The following SETD5 variants were observed in gnomAD, a reference collection of about 807,000 sequenced individuals.
SETD5 encodes the protein SET domain containing 5, also known as histone-lysine N-methyltransferase SETD5.
A neutral mutation model predicts 153.3 loss-of-function variants in SETD5; 44 were observed. The ratio of observed to expected loss-of-function variants is 0.29; its 90% confidence interval spans 0.23 to 0.37. The LOEUF is 0.37. Among genes scored for constraint, SETD5 ranks in the 10% least tolerant of loss-of-function variants. The pLI, the probability that SETD5 is intolerant of heterozygous loss-of-function variation, is 1.00. For synonymous variants in SETD5, 716 were observed against 645.2 expected (o/e 1.11, Z -1.66); for missense variants, 1,544 against 1,768.0 (o/e 0.87, Z 2.27).
At chr3:9,472,800 G>C (rs1453682414) in intron 19 of SETD5, among the ~76,000 whole-genome samples, 1 of 151,884 alleles carries the variant, frequency 6.6e-6, no homozygotes, top group Non-Finnish European at 1.5e-5. Context: ...GGTTCCCAAG[G>C]AGTACAGAAC....
At position 9,470,845 on chromosome 3, in the gene SETD5, C is replaced by G. The variant is rs754098679; in HGVS notation, c.3111C>G (p.Leu1037=). 1.2e-6 allele frequency: 2 copies of G among 1,612,348 alleles called. No homozygotes were observed. The highest frequency in any genetic ancestry group is 2.2e-5 in the East Asian group (1 of 44,842). Residue 1037 remains leucine, a synonymous_variant, in exon 19 of 23, where the codon CTC becomes CTG. Transcript: ENST00000402198. ...ATGAACATGGCTTAATGAAAGACCT[C>G]TCTCGTGGATCCTTGTCACCTGGTG... ...SRYEHGLMKD[L]SRGSLSPGGE...
Position 9,475,120 on chromosome 3 carries a change from A to G in SETD5, c.3684A>G (p.Gly1228=). ...CATTAAGCTCAGCACTCTCTAAAGGAGCAACAGTTTACAGCCCTTCCAGAT... is the reference window on the plus strand; with the variant it reads ...CATTAAGCTCAGCACTCTCTAAAGGGGCAACAGTTTACAGCCCTTCCAGAT... ...PETLSSALSK[G]ATVYSPSRYS... Residue 1228 remains glycine (G), a synonymous_variant, in exon 22 of 23, where the codon GGA becomes GGG. Transcript: ENST00000402198. The G allele has an allele frequency of 2.5e-6, 4 of 1,592,728 alleles. No homozygotes were observed. Among genetic ancestry groups the G allele is most frequent in the Non-Finnish European group, 3.4e-6 (4 of 1,169,666 alleles).
At chr3:9,399,310 A>C (rs2034339319) in intron 1 of SETD5, among the ~76,000 whole-genome samples, 2 of 152,128 alleles carry the variant, frequency 1.3e-5, no homozygotes, top group Admixed American at 1.3e-4. Context: ...TTATATTATT[A>C]ATGTTTTTAG....
rs371116757 is a variant in SETD5 at position 9,448,532 on chromosome 3, A to C, written c.2248A>C (p.Thr750Pro). 1.2e-6 allele frequency: 2 copies of C among 1,613,742 alleles called. No homozygotes were observed. Among genetic ancestry groups the C allele is most frequent in the Non-Finnish European group, 1.7e-6 (2 of 1,179,866 alleles). Residue 750 changes from threonine to proline, a missense_variant, in exon 16 of 23, where the codon ACC becomes CCC. Coordinates refer to ENST00000402198, the MANE Select transcript of SETD5 (RefSeq NM_001080517.3). ...TCTTATCCATTCCCCGTTAATTTGCACCACCCCCAAACACTACATTCGCTT... is the reference window on the plus strand; with the variant it reads ...TCTTATCCATTCCCCGTTAATTTGCCCCACCCCCAAACACTACATTCGCTT... ...PGLIHSPLIC[T>P]TPKHYIRFGS...
intron 1 of SETD5, among the ~76,000 whole-genome samples, chr3:9,411,761 C>T (rs62246302): frequency 6.6e-6 from 1 of 152,068 alleles, no homozygotes; most frequent in East Asian, 1.9e-4. Flanking sequence ...TCTCTAAACT[C>T]TGTCTGAACT....
chr3:9,468,849 G>T (rs930365178), intron 18 of SETD5, among the ~76,000 whole-genome samples: 1 of 151,918 alleles, frequency 6.6e-6, no homozygotes, highest in Non-Finnish European at 1.5e-5. Flanking sequence ...TTGCCGTTTG[G>T]GGGAGGGGGT....
chr3:9,445,972 T>TG (rs1210741580), intron 13 of SETD5, among the ~76,000 whole-genome samples: 1 of 146,210 alleles, frequency 6.8e-6, no homozygotes, highest in Non-Finnish European at 1.5e-5. Context: ...GTTGTTTTTT[T>TG]TTTTTTTTTT....
rs972736980 is a variant in SETD5 at position 9,477,227 on chromosome 3, A to G, written c.*1136A>G. On this transcript the variant is annotated 3_prime_UTR_variant, in exon 23 of 23. Coordinates refer to ENST00000402198, the MANE Select transcript of SETD5 (RefSeq NM_001080517.3). ...CCCCTAACACTGTTCTGGATGAGAGATGAGAGCAGACCGGCTTCTCCCCAT... is the reference window on the plus strand; with the variant it reads ...CCCCTAACACTGTTCTGGATGAGAGGTGAGAGCAGACCGGCTTCTCCCCAT... 2 of 152,638 alleles carry G rather than the reference A, an allele frequency of 1.3e-5. No homozygotes were observed. Among genetic ancestry groups the G allele is most frequent in the African/African-American group, 4.8e-5 (2 of 41,438 alleles). 9.5% of individuals were successfully genotyped at this position (152,638 alleles called of 1,614,324 possible).
chr3:9,459,540 G>A (rs1181713585), intron 17 of SETD5, among the ~76,000 whole-genome samples: 3 of 151,652 alleles, frequency 2.0e-5, no homozygotes, highest in African/African-American at 7.3e-5. Flanking sequence ...GGAGGCCGAG[G>A]CAGGCGGATC....
intron 1 of SETD5, among the ~76,000 whole-genome samples, chr3:9,421,058 A>AT (rs75431777): frequency 0.012 from 1,748 of 143,466 alleles, 32 homozygotes; most frequent in African/African-American, 0.032. Context: ...CACAACAGGT[A>AT]TTTTTTTTTT....
chr3:9,465,743 G>A (rs1007238585), intron 18 of SETD5, among the ~76,000 whole-genome samples: 1 of 152,056 alleles, frequency 6.6e-6, no homozygotes, highest in South Asian at 2.1e-4. Context: ...AAAACCTCCT[G>A]GTTACATATC....
intron 1 of SETD5, among the ~76,000 whole-genome samples, chr3:9,417,949 T>TG (rs2037772816): frequency 6.7e-6 from 1 of 150,168 alleles, no homozygotes; most frequent in African/African-American, 2.4e-5. Context: ...TTTGTTTTTT[T>TG]TTTTTTTTTG....
rs2033890694 is a variant in SETD5, at chr3:9,397,672, CGCCGCCGCCGCCGCT to C, written c.-477_-463del. 5.5e-6 allele frequency: 1 copy of C among 180,364 alleles called. No individual in the cohort carries two copies. Among genetic ancestry groups the C allele is most frequent in the Non-Finnish European group, 1.1e-5 (1 of 91,360 alleles). 11.2% of individuals were successfully genotyped at this position (180,364 alleles called of 1,614,324 possible). The stretch of plus-strand genomic sequence containing the variant: ...GAGCTGCCGCCGCCGCCGCCGCCGC[CGCCGCCGCCGCCGCT>C]GCCGGGGGAGGGGCGGCCGCCGCCC... On this transcript the variant is annotated 5_prime_UTR_variant, in exon 1 of 23. Coordinates refer to ENST00000402198, the MANE Select transcript of SETD5 (RefSeq NM_001080517.3).
At chr3:9,454,312 A>G (rs937162538) in intron 17 of SETD5, among the ~76,000 whole-genome samples, 3 of 152,164 alleles carry the variant, frequency 2.0e-5, no homozygotes, top group Non-Finnish European at 2.9e-5. Context: ...GGCTTGTATA[A>G]TTAGCATACA....
At chr3:9,418,195 G>A (rs938321676) in intron 1 of SETD5, among the ~76,000 whole-genome samples, 3 of 138,770 alleles carry the variant, frequency 2.2e-5, no homozygotes, top group Non-Finnish European at 2.9e-5. Context: ...TGATCCTCCC[G>A]CCTCGGCTTC....
At position 9,457,579 on chromosome 3, in the gene SETD5, A is replaced by T. The variant is rs191212938; in HGVS notation, c.2476+3711A>T. 2.7e-3 allele frequency among the ~76,000 whole-genome samples: 408 copies of T among 150,996 alleles called. 3 individuals are homozygous for T. Among genetic ancestry groups the T allele is most frequent in the African/African-American group, 9.0e-3 (372 of 41,400 alleles). On this transcript the variant is annotated intron_variant, in intron 17 of 22. Coordinates refer to ENST00000402198, the MANE Select transcript of SETD5 (RefSeq NM_001080517.3). ...TATATAAAAAGTGTAAATATATTTT[A>T]AAAAATCATTTATATACCAAGAAAG...
At chr3:9,444,243 A>C (rs2041664000) in intron 11 of SETD5, among the ~76,000 whole-genome samples, 2 of 152,164 alleles carry the variant, frequency 1.3e-5, no homozygotes. Flanking sequence ...GGATTTTTTA[A>C]AGTATATGCT....
Position 9,470,642 on chromosome 3 carries a change from G to A in SETD5, c.2908G>A (p.Val970Met), listed in dbSNP as rs766037213. 67 of 1,613,754 alleles carry A rather than the reference G, an allele frequency of 4.2e-5. No individual in the cohort carries two copies. Among genetic ancestry groups the A allele is most frequent in the Admixed American group, 1.2e-4 (7 of 59,984 alleles). Residue 970 changes from valine to methionine, a missense_variant, in exon 19 of 23, where the codon GTG (valine) becomes ATG (methionine). Physicochemically the swap from Val to Met is conservative, Grantham distance 21. Transcript: ENST00000402198. Reference protein sequence around the residue: ...SRSGDGHQTLVRNSDQAFRTE... With the variant: ...SRSGDGHQTLMRNSDQAFRTE... ...AAGTGGAGATGGACATCAGACCCTC[G>A]TGAGAAACTCAGACCAGGCATTTCG... is the stretch of plus-strand genomic sequence containing the variant.
chr3:9,449,045 T>A (rs1276534024), intron 16 of SETD5, among the ~76,000 whole-genome samples: 4 of 152,186 alleles, frequency 2.6e-5, no homozygotes, highest in South Asian at 2.1e-4. Flanking sequence ...ATGAAAAAAA[T>A]TAAATTGTTT....
Sources: gnomAD v4.1 joint callset for allele counts (sites outside exome capture counted in the v4.1 genomes callset) on GRCh38, gnomAD v4.1.1 for gene constraint, MANE v1.5 for transcripts, NCBI Gene and HGNC (gene_info 2026-07-23, HGNC 2026-07-21) for gene names.